S100Z: variants seen among roughly 807,000 people sequenced by gnomAD.
The protein encoded by S100Z is S100 calcium binding protein Z.
In S100Z, 11 loss-of-function variants were observed where a neutral mutation model predicts 8.5. The observed-to-expected ratio is 1.30, with a 90% CI of 0.82 to 2.15. S100Z has a LOEUF of 2.15. Among genes scored for constraint, S100Z ranks in the 30% most tolerant of loss-of-function variants. The pLI, the probability that S100Z is intolerant of heterozygous loss-of-function variation, is 0.00. For synonymous variants in S100Z, 34 were observed against 43.8 expected, an observed-to-expected ratio of 0.78 and a Z score of 0.89; for missense variants, 126 against 117.9, an observed-to-expected ratio of 1.07 and a Z score of -0.32.
chr5:76,871,549 G>A (rs559179109), intron 2 of S100Z, among the ~76,000 whole-genome samples: 2 of 141,968 alleles, frequency 1.4e-5, no homozygotes, highest in South Asian at 2.2e-4. Flanking sequence ...TTTAGACAGA[G>A]TGTCGCTTTA....
intron 4 of S100Z, among the ~76,000 whole-genome samples, chr5:76,906,972 GTGTGTATATATATA>G (rs1404213189): frequency 0.026 from 788 of 30,416 alleles, 35 homozygotes; most frequent in African/African-American, 0.093. Flanking sequence ...TCCATTGTGT[GTGTGTATATATATA>G]TATATATATA....
At chr5:76,857,100 C>T (rs899707489) in intron 1 of S100Z, among the ~76,000 whole-genome samples, 4 of 151,958 alleles carry the variant, frequency 2.6e-5, no homozygotes, top group African/African-American at 9.7e-5. Context: ...AAGACCAGCC[C>T]GGCCAACATG....
intron 4 of S100Z, among the ~76,000 whole-genome samples, chr5:76,882,825 G>A: frequency 6.6e-6 from 1 of 152,150 alleles, no homozygotes; most frequent in Non-Finnish European, 1.5e-5. Flanking sequence ...AGAGAGTCTA[G>A]GATGAAGGGT....
chr5:76,884,851 A>T (rs2150652235), intron 4 of S100Z, among the ~76,000 whole-genome samples: 1 of 152,250 alleles, frequency 6.6e-6, no homozygotes, highest in East Asian at 1.9e-4. Flanking sequence ...GAGTCCGTAG[A>T]AAAGAAGGAT....
At chr5:76,918,639 A>T (rs1291944941) in intron 4 of S100Z, among the ~76,000 whole-genome samples, 1 of 152,194 alleles carries the variant, frequency 6.6e-6, no homozygotes. Context: ...CCCCATTATC[A>T]ACATCTCCCA....
chr5:76,902,645 TTTG>T lies in S100Z; in HGVS notation c.*3-18063_*3-18061del, dbSNP rs1242165843. 3.6e-3 allele frequency among the ~76,000 whole-genome samples: 544 copies of T among 151,632 alleles called. 2 individuals are homozygous for T. The highest frequency in any genetic ancestry group is 0.012 in the African/African-American group (482 of 41,016). ...GAAGGTGGGTTTTTTTTGTTTTTTTTTTGTTGTTGTTTGTTTTTTTTTCTGTGT... is the reference window on the plus strand; with the variant it reads ...GAAGGTGGGTTTTTTTTGTTTTTTTTTTGTTGTTTGTTTTTTTTTCTGTGT... On this transcript the variant is annotated intron_variant, in intron 4 of 4. Coordinates refer to ENST00000317593, the MANE Select transcript of S100Z (RefSeq NM_130772.4).
downstream of S100Z, among the ~76,000 whole-genome samples, chr5:76,923,220 A>G (rs550227956): frequency 6.6e-6 from 1 of 152,330 alleles, no homozygotes; most frequent in East Asian, 1.9e-4. Context: ...CTAAATCTAT[A>G]TCAATCCTCA....
intron 4 of S100Z, among the ~76,000 whole-genome samples, chr5:76,887,395 C>CT (rs70982657): frequency 0.4 from 30,192 of 74,704 alleles, 8,275 homozygotes; most frequent in East Asian, 0.56. Flanking sequence ...CTGTGCCAGG[C>CT]TTTTTTTTTT....
At chr5:76,913,480 T>C (rs1354898721) in intron 4 of S100Z, among the ~76,000 whole-genome samples, 3 of 152,222 alleles carry the variant, frequency 2.0e-5, no homozygotes, top group Admixed American at 6.5e-5. Context: ...AGCCATCTTA[T>C]AGAATCAGGA....
intron 4 of S100Z, among the ~76,000 whole-genome samples, chr5:76,879,681 A>G (rs1743325141): frequency 6.6e-6 from 1 of 152,216 alleles, no homozygotes; most frequent in African/African-American, 2.4e-5. Context: ...GAATGTGGAT[A>G]GAGAAGAAGA....
downstream of S100Z, among the ~76,000 whole-genome samples, chr5:76,925,394 G>A (rs1004118252): frequency 1.3e-5 from 2 of 152,138 alleles, no homozygotes; most frequent in African/African-American, 4.8e-5. Context: ...TTGTGAAGAG[G>A]ATGGGAAACT....
chr5:76,889,277 T>C (rs894429889), intron 4 of S100Z, among the ~76,000 whole-genome samples: 3 of 152,192 alleles, frequency 2.0e-5, no homozygotes, highest in Admixed American at 2.0e-4. Context: ...CGTATGTCTG[T>C]GTTGTTTTAT....
At chr5:76,863,202 A>C (rs1751117250) in intron 1 of S100Z, among the ~76,000 whole-genome samples, 2 of 152,226 alleles carry the variant, frequency 1.3e-5, no homozygotes, top group South Asian at 4.1e-4. Context: ...AGTATAGTCA[A>C]GGCTCTCCTT....
At chr5:76,872,248 AAAAT>A (rs1743037684) in intron 2 of S100Z, among the ~76,000 whole-genome samples, 2 of 152,200 alleles carry the variant, frequency 1.3e-5, no homozygotes, top group East Asian at 1.9e-4. Flanking sequence ...CCCTATCTCA[AAAAT>A]AAATAAATAA....
intron 1 of S100Z, among the ~76,000 whole-genome samples, chr5:76,865,402 G>T (rs867487017): frequency 6.6e-6 from 1 of 151,606 alleles, no homozygotes; most frequent in Non-Finnish European, 1.5e-5. Context: ...ACACCACCAG[G>T]CCTGGCTATT....
At chr5:76,864,671 T>A (rs1170103403) in intron 1 of S100Z, among the ~76,000 whole-genome samples, 2 of 152,084 alleles carry the variant, frequency 1.3e-5, no homozygotes, top group Non-Finnish European at 2.9e-5. Flanking sequence ...CCCAGAGTGC[T>A]GGGATTATAG....
chr5:76,868,583 T>G (rs762982506), intron 1 of S100Z, among the ~76,000 whole-genome samples: 12 of 151,828 alleles, frequency 7.9e-5, no homozygotes, highest in Non-Finnish European at 1.3e-4. Context: ...TTCAACAACT[T>G]AATTTGGAAT....
chr5:76,872,073 A>G (rs1743029333), intron 2 of S100Z, among the ~76,000 whole-genome samples: 2 of 149,916 alleles, frequency 1.3e-5, no homozygotes, highest in African/African-American at 4.9e-5. Context: ...CTCATCTCTA[A>G]AAAAAGTAAA....
chr5:76,911,525 G>A (rs1309142569), intron 4 of S100Z, among the ~76,000 whole-genome samples: 4 of 152,156 alleles, frequency 2.6e-5, no homozygotes, highest in Admixed American at 6.5e-5. Flanking sequence ...TATGTGGACC[G>A]TCTTGCCCCA....
Sources: allele counts gnomAD v4.1 joint callset (sites outside exome capture counted in the v4.1 genomes callset), GRCh38; gene constraint gnomAD v4.1.1; transcripts MANE v1.5; gene names NCBI Gene and HGNC (gene_info 2026-07-23, HGNC 2026-07-21).